Variants in RGS12 observed in about 807,000 individuals in gnomAD.
The protein encoded by RGS12 is regulator of G protein signaling 12, also known as regulator of G-protein signaling 12.
In RGS12, 66 loss-of-function variants were observed where a neutral mutation model predicts 120.1. The observed-to-expected ratio is 0.55, with a 90% confidence interval of 0.45 to 0.67. RGS12 has a LOEUF of 0.67. RGS12 is among the 30% of genes least tolerant of loss of function. The pLI is 0.00. For synonymous variants in RGS12, 827 were observed against 804.7 expected (o/e 1.03, Z -0.47); for missense variants, 1,859 against 1,957.7 (o/e 0.95, Z 0.95).
intron 4 of RGS12, among the ~76,000 whole-genome samples, chr4:3,398,748 A>G (rs1720291025): frequency 6.6e-6 from 1 of 152,192 alleles, no homozygotes. Flanking sequence ...AAAAAAAAAA[A>G]TAGTAAGATT....
intron 4 of RGS12, chr4:3,407,233 G>A (rs969035977): frequency 1.3e-5 from 2 of 152,256 alleles, no homozygotes; most frequent in Non-Finnish European, 2.9e-5. Context: ...TTCAGGCTCC[G>A]TGGCGGCAGC....
rs1724477113 is a variant in RGS12, at chr4:3,433,051, C to T, written c.4114+2096C>T. ...TTCTCTGTATTGGAGAGTTCACCTG[C>T]CCATGGCGGCAAAGGAAACAGGCTG... On this transcript the variant is annotated intron_variant, in intron 17 of 17. Transcript: ENST00000336727. This position sits in a 1 kb window ranked among gnomAD's most constrained non-coding sequence, Gnocchi z 4.4. Among the ~76,000 whole-genome samples the T allele has an allele frequency of 6.6e-6, 1 of 152,234 alleles. No homozygotes were observed. Among genetic ancestry groups the T allele is most frequent in the South Asian group, 2.1e-4 (1 of 4,836 alleles).
Position 3,336,046 on chromosome 4 carries a change from C to T in RGS12, c.1882-6891C>T, listed in dbSNP as rs377610188. 1.1e-4 allele frequency among the ~76,000 whole-genome samples: 16 copies of T among 152,110 alleles called. No individual in the cohort carries two copies. In the East Asian group the frequency reaches 1.3e-3, roughly 13 times the overall value. On this transcript the variant is annotated intron_variant, in intron 2 of 17. Transcript: ENST00000336727. Reference sequence around the variant, plus strand: ...GGTGGAGGTTGCAGTGAGCCCAGATCGCACCACTGGACTCCAGCCTGGGTG... The same window carrying T: ...GGTGGAGGTTGCAGTGAGCCCAGATTGCACCACTGGACTCCAGCCTGGGTG...
intron 3 of RGS12, among the ~76,000 whole-genome samples, chr4:3,379,888 C>A (rs1177735470): frequency 6.6e-6 from 1 of 152,228 alleles, no homozygotes; most frequent in Middle Eastern, 3.4e-3. Context: ...ATCGTTCCAC[C>A]CCTGACCCCT....
intron 2 of RGS12, among the ~76,000 whole-genome samples, chr4:3,332,281 C>A (rs952476317): frequency 6.6e-6 from 1 of 152,162 alleles, no homozygotes; most frequent in Non-Finnish European, 1.5e-5. Flanking sequence ...TGTATTGATT[C>A]GTTTTGCTGC....
At chr4:3,405,524 C>T (rs906717085) in intron 4 of RGS12, among the ~76,000 whole-genome samples, 1 of 152,212 alleles carries the variant, frequency 6.6e-6, no homozygotes, top group African/African-American at 2.4e-5. Context: ...CAGCAGCAGC[C>T]ACCCTGAGTT....
chr4:3,293,320 CG>C (rs1489388882), intron 1 of RGS12, among the ~76,000 whole-genome samples: 2 of 140,352 alleles, frequency 1.4e-5, no homozygotes, highest in African/African-American at 2.6e-5. Context: ...CGGGGCGGGG[CG>C]GGGGCGGGGG....
Position 3,423,572 on chromosome 4 carries a change from C to A in RGS12, c.3165C>A (p.Pro1055=), listed in dbSNP as rs138192478. 6.2e-7 allele frequency: 1 copy of A among 1,612,898 alleles called. No individual in the cohort carries two copies. The highest frequency in any genetic ancestry group is 8.5e-7 in the Non-Finnish European group (1 of 1,179,964). The change falls in exon 13 of 18, where the codon CCC becomes CCA. Residue 1055 remains proline, a synonymous_variant. Coordinates refer to ENST00000336727, the MANE Select transcript of RGS12 (RefSeq NM_001394154.1). ...GACTCAAGGCCAAGCCCACCAAGCC[C>A]GTCACGGAGGTGCTGCGGCCCGTGG... ...SVGLKAKPTK[P]VTEVLRPVVA... is the part of the protein sequence containing the mutation.
intron 3 of RGS12, among the ~76,000 whole-genome samples, chr4:3,363,965 C>T (rs965271423): frequency 2.0e-5 from 3 of 152,102 alleles, no homozygotes; most frequent in Non-Finnish European, 4.4e-5. Context: ...GCCATGCTGC[C>T]GGAGAGGCCG....
rs919364848 is a variant in RGS12 at position 3,406,137 on chromosome 4, G to T, written c.2021-7935G>T. Among the ~76,000 whole-genome samples, 5 of 152,196 alleles carry T rather than the reference G, an allele frequency of 3.3e-5. No individual in the cohort carries two copies. In the South Asian group the frequency reaches 1.0e-3, roughly 31 times the overall value. On this transcript the variant is annotated intron_variant, in intron 4 of 17. Coordinates refer to ENST00000336727, the MANE Select transcript of RGS12 (RefSeq NM_001394154.1). ...CCCCTGCCAGCCGCAGATGGACACG[G>T]GGACTGAGGCCCACGGGACTGTGGG...
In RGS12 at chr4:3,374,736, C is replaced by T. The variant is rs116027832; in HGVS notation, c.1999-11680C>T. 0.016 allele frequency among the ~76,000 whole-genome samples: 2,466 copies of T among 152,168 alleles called. 67 individuals are homozygous for T. Among genetic ancestry groups the T allele is most frequent in the African/African-American group, 0.052 (2,158 of 41,508 alleles). Reference sequence around the variant, plus strand: ...CACCCCCATTGCTGCAGCCTGCCCTCGTCCCCATCTCTTGCCTGGAGCACC... The same window carrying T: ...CACCCCCATTGCTGCAGCCTGCCCTTGTCCCCATCTCTTGCCTGGAGCACC... On this transcript the variant is annotated intron_variant, in intron 3 of 17. Coordinates refer to ENST00000336727, the MANE Select transcript of RGS12 (RefSeq NM_001394154.1). This position sits in a 1 kb window ranked among gnomAD's most constrained non-coding sequence, Gnocchi z 6.3.
At chr4:3,429,365 G>A (rs1400996975) in intron 16 of RGS12, among the ~76,000 whole-genome samples, 1 of 152,142 alleles carries the variant, frequency 6.6e-6, no homozygotes, top group Non-Finnish European at 1.5e-5. Context: ...TTTCATCCAG[G>A]GCGTACTTGC....
At position 3,417,476 on chromosome 4, in the gene RGS12, C is replaced by T. The variant is rs868458630; in HGVS notation, c.2696C>T (p.Ser899Leu). Residue 899 changes from serine to leucine, a missense_variant, in exon 9 of 18, where the codon TCG becomes TTG. Transcript: ENST00000336727. ...SEKKRKGAFFSWSRTRSTGRS... is the reference protein window; with the variant it reads ...SEKKRKGAFFLWSRTRSTGRS... ...AAGAAGCGGAAAGGCGCGTTTTTCT[C>T]GTGGTCGCGGACCAGGAGCACCGGG... 6.8e-6 allele frequency: 11 copies of T among 1,613,302 alleles called. No individual in the cohort carries two copies. The highest frequency in any genetic ancestry group is 1.1e-5 in the South Asian group (1 of 91,080).
chr4:3,293,271 G>C (rs1723148255), intron 1 of RGS12, among the ~76,000 whole-genome samples, 172 bp downstream of exon 1: 2 of 145,660 alleles, frequency 1.4e-5, no homozygotes, highest in Non-Finnish European at 3.0e-5. Context: ...TTTGTTCGCC[G>C]GCCTGACTCA....
At chr4:3,414,705 G>A (rs1722145385) in intron 5 of RGS12, 47 bp from the exon 6 acceptor site, 3 of 1,356,894 alleles carry the variant, frequency 2.2e-6, no homozygotes, top group East Asian at 2.3e-5. Context: ...TAGGAAAAAG[G>A]AGGACCCTGT....
intron 17 of RGS12, among the ~76,000 whole-genome samples, chr4:3,438,817 C>A (rs545704840): frequency 2.0e-5 from 3 of 152,188 alleles, no homozygotes; most frequent in South Asian, 4.2e-4. Flanking sequence ...GAGTCACTGA[C>A]CAGCCGGAAA....
chr4:3,334,334 C>T lies in RGS12; in HGVS notation c.1882-8603C>T, dbSNP rs568231097. 5.3e-5 allele frequency among the ~76,000 whole-genome samples: 8 copies of T among 152,296 alleles called. No individual in the cohort carries two copies. In the South Asian group the frequency reaches 1.7e-3, roughly 32 times the overall value. On this transcript the variant is annotated intron_variant, in intron 2 of 17. Transcript: ENST00000336727. ...CTTTTGATGCTAACATGGCAAATTA[C>T]AATGATTGATTTTCAAATAATAGAC...
At chr4:3,417,264 C>A in intron 8 of RGS12, 124 bp from the exon 9 acceptor site, 1 of 1,313,134 alleles carries the variant, frequency 7.6e-7, no homozygotes, top group Non-Finnish European at 1.0e-6. Context: ...CACACCATGA[C>A]CTGTAGAAGT....
At chr4:3,287,504 G>A in the RGS12 span, among the ~76,000 whole-genome samples, 1 of 152,224 alleles carries the variant, frequency 6.6e-6, no homozygotes, top group Non-Finnish European at 1.5e-5. Context: ...ACGTGGCCAA[G>A]CCCTTCCTGA....
Sources: gnomAD v4.1 joint callset for allele counts (sites outside exome capture counted in the v4.1 genomes callset) on GRCh38, gnomAD v4.1.1 for gene constraint, Gnocchi (gnomAD v3.1) non-coding constraint, MANE v1.5 for transcripts, NCBI Gene and HGNC (gene_info 2026-07-23, HGNC 2026-07-21) for gene names.